The following MPP4 variants were observed in gnomAD, a reference collection of about 807,000 sequenced individuals.
MPP4 encodes MAGUK p55 subfamily member 4.
In MPP4, 91 loss-of-function variants were observed where a neutral mutation model predicts 98.3. That is an observed-to-expected ratio of 0.93 (90% CI 0.78 to 1.10). MPP4 has a LOEUF of 1.10. MPP4 is among the 50% of genes least tolerant of loss of function. The pLI is 0.00. For synonymous variants in MPP4, 261 were observed against 271.8 expected (o/e 0.96, Z 0.39); for missense variants, 744 against 792.9 (o/e 0.94, Z 0.74).
At chr2:201,689,416 C>T (rs1444369060) in intron 4 of MPP4, among the ~76,000 whole-genome samples, 1 of 152,112 alleles carries the variant, frequency 6.6e-6, no homozygotes, top group Non-Finnish European at 1.5e-5. Flanking sequence ...GAGGAAGTGA[C>T]ATGATTTGAC....
In MPP4 at chr2:201,691,451, A is replaced by G. The variant is rs150740425; in HGVS notation, c.202-1172T>C. The stretch of plus-strand genomic sequence containing the variant: ...AGTAGATGCTATTTTTCTACTATCT[A>G]TTAGACGCTATTGTATAGTGCATGG... On this transcript the variant is annotated intron_variant, in intron 3 of 21. Coordinates refer to ENST00000409474, the MANE Select transcript of MPP4 (RefSeq NM_033066.3). Among the ~76,000 whole-genome samples, 6 of 152,268 alleles carry G rather than the reference A, an allele frequency of 3.9e-5. No individual in the cohort carries two copies. The East Asian group carries it at 9.6e-4, about 24-fold the overall frequency.
intron 12 of MPP4, among the ~76,000 whole-genome samples, chr2:201,667,585 T>C (rs1688217421): frequency 6.6e-6 from 1 of 152,244 alleles, no homozygotes; most frequent in African/African-American, 2.4e-5. Flanking sequence ...AATTGTTGAT[T>C]TGAATAAAGG....
Position 201,645,361 on chromosome 2 carries a change from T to A in MPP4, c.1763A>T (p.Glu588Val), listed in dbSNP as rs1286510597. The A allele has an allele frequency of 6.2e-7, 1 of 1,614,012 alleles. No homozygotes were observed. Among genetic ancestry groups the A allele is most frequent in the South Asian group, 1.1e-5 (1 of 91,088 alleles). Residue 588 changes from glutamate to valine, a missense_variant, in exon 22 of 22, where the codon GAA becomes GTA. Coordinates refer to ENST00000409474, the MANE Select transcript of MPP4 (RefSeq NM_033066.3). ...QEMENLAQRMETQFGQFFDHV... is the reference protein window; with the variant it reads ...QEMENLAQRMVTQFGQFFDHV... The stretch of plus-strand genomic sequence containing the variant: ...ATCAAAAAATTGGCCAAACTGAGTT[T>A]CCATTCTTTGGGCTAAATTTTCCAT...
At chr2:201,653,172 G>A (rs974794943) in intron 18 of MPP4, among the ~76,000 whole-genome samples, 1 of 152,184 alleles carries the variant, frequency 6.6e-6, no homozygotes, top group Non-Finnish European at 1.5e-5. Flanking sequence ...AACATCACAA[G>A]TCTAGCTGTG....
At chr2:201,660,178 C>T (rs1159909242) in intron 15 of MPP4, among the ~76,000 whole-genome samples, 154 bp downstream of exon 15, 4 of 152,148 alleles carry the variant, frequency 2.6e-5, no homozygotes, top group East Asian at 3.9e-4. Flanking sequence ...TGTGTTTCCT[C>T]GGGAAAAAAT....
chr2:201,657,960 T>TTTTTTG (rs1687906063), intron 16 of MPP4, among the ~76,000 whole-genome samples: 2 of 150,936 alleles, frequency 1.3e-5, no homozygotes, highest in African/African-American at 4.9e-5. Context: ...CCTTGTTTTT[T>TTTTTTG]TTTTTTTTGT....
intron 18 of MPP4, 85 bp from the exon 19 acceptor site, chr2:201,650,250 A>T: frequency 2.7e-6 from 4 of 1,478,056 alleles, no homozygotes; most frequent in Non-Finnish European, 3.6e-6. Context: ...TATCTAATCA[A>T]AATAAATAAA....
In MPP4 at chr2:201,675,187, C is replaced by T. The variant is rs1339744275; in HGVS notation, c.994+20G>A. 19 of 1,596,848 alleles carry T rather than the reference C, an allele frequency of 1.2e-5. 1 individual carries two copies. In the East Asian group the frequency reaches 3.2e-4, roughly 27 times the overall value. The stretch of plus-strand genomic sequence containing the variant: ...TTTATTGCAAACAGGAAGAACCTGT[C>T]GGGCAGTTGCAATACTCACATAGGG... On this transcript the variant is annotated intron_variant, in intron 11 of 21. Coordinates refer to ENST00000409474, the MANE Select transcript of MPP4 (RefSeq NM_033066.3).
At chr2:201,674,106 TTTATTCACCAAA>T (rs760504343) in intron 11 of MPP4, among the ~76,000 whole-genome samples, 1 of 152,240 alleles carries the variant, frequency 6.6e-6, no homozygotes, top group Non-Finnish European at 1.5e-5. Context: ...CCATCCCATA[TTTATTCACCAAA>T]GGCATACACA....
intron 1 of MPP4, among the ~76,000 whole-genome samples, chr2:201,694,744 TTGAG>T (rs1219009613): frequency 1.3e-5 from 2 of 149,868 alleles, no homozygotes; most frequent in African/African-American, 2.4e-5. Context: ...CCTCAGCCTC[TTGAG>T]TATCTGGGAC....
intron 10 of MPP4, among the ~76,000 whole-genome samples, chr2:201,677,667 G>A (rs1688543112): frequency 6.6e-6 from 1 of 152,128 alleles, no homozygotes; most frequent in Non-Finnish European, 1.5e-5. Flanking sequence ...AGCACCTGAG[G>A]CGCTTGGTGA....
chr2:201,664,401 G>T, intron 13 of MPP4: 6 of 1,055,446 alleles, frequency 5.7e-6, no homozygotes, highest in Middle Eastern at 2.4e-4. Flanking sequence ...CAGAGGGAAG[G>T]GGAAAGTGGA....
intron 7 of MPP4, 113 bp downstream of exon 7, chr2:201,684,951 A>C: frequency 1.2e-6 from 1 of 836,428 alleles, no homozygotes; most frequent in Non-Finnish European, 1.7e-6. Flanking sequence ...CCATCTCAAA[A>C]AAAAAAAAAG....
chr2:201,689,808 G>A lies in MPP4; in HGVS notation c.279+394C>T, dbSNP rs115371577. ...TCAGTTTGGAACATGTGAACTTGGAGGAGTCCGTTAGACATCCAAGTGAGA... is the reference window on the plus strand; with the variant it reads ...TCAGTTTGGAACATGTGAACTTGGAAGAGTCCGTTAGACATCCAAGTGAGA... On this transcript the variant is annotated intron_variant, in intron 4 of 21. Transcript: ENST00000409474. 6.7e-3 allele frequency among the ~76,000 whole-genome samples: 1,027 copies of A among 152,220 alleles called. 11 individuals carry two copies. Among genetic ancestry groups the A allele is most frequent in the African/African-American group, 0.024 (991 of 41,520 alleles).
intron 15 of MPP4, among the ~76,000 whole-genome samples, chr2:201,659,858 T>C (rs1294309190): frequency 6.6e-6 from 1 of 152,106 alleles, no homozygotes; most frequent in Non-Finnish European, 1.5e-5. Flanking sequence ...ATATAAAATA[T>C]AAAGAGCATT....
intron 13 of MPP4, chr2:201,664,407 G>C: frequency 3.3e-4 from 297 of 912,554 alleles, no homozygotes; most frequent in Non-Finnish European, 4.4e-4. Flanking sequence ...GAAGGGGAAA[G>C]TGGAATGTCA....
intron 1 of MPP4, among the ~76,000 whole-genome samples, chr2:201,697,770 T>TA (rs1007880929): frequency 1.3e-5 from 2 of 152,210 alleles, no homozygotes; most frequent in Non-Finnish European, 2.9e-5. Context: ...AAGCGGATCT[T>TA]AGAGATAATC....
chr2:201,675,208 T>A lies in MPP4; in HGVS notation c.993A>T (p.Leu331=). The part of the protein sequence containing the change: ...YQPHTCLKST[L]SISMEEEDDM... Reference sequence around the variant, plus strand: ...CTGTCGGGCAGTTGCAATACTCACATAGGGTTGACTTGAGGCAGGTGTGAG... The same window carrying A: ...CTGTCGGGCAGTTGCAATACTCACAAAGGGTTGACTTGAGGCAGGTGTGAG... Residue 331 remains leucine, a splice_region_variant and synonymous_variant, in exon 11 of 22, where the codon CTA becomes CTT. Coordinates refer to ENST00000409474, the MANE Select transcript of MPP4 (RefSeq NM_033066.3). The A allele has an allele frequency of 6.2e-7, 1 of 1,607,082 alleles. No individual in the cohort carries two copies. Among genetic ancestry groups the A allele is most frequent in the Non-Finnish European group, 8.5e-7 (1 of 1,176,920 alleles).
chr2:201,657,609 G>GTT (rs745412884), intron 16 of MPP4, among the ~76,000 whole-genome samples: 3 of 111,688 alleles, frequency 2.7e-5, no homozygotes, highest in Non-Finnish European at 3.7e-5. Context: ...TTGTTTTTTT[G>GTT]TTTTTTTTTG....
Sources: allele counts gnomAD v4.1 joint callset (sites outside exome capture counted in the v4.1 genomes callset), GRCh38; gene constraint gnomAD v4.1.1; transcripts MANE v1.5; gene names NCBI Gene and HGNC (gene_info 2026-07-23, HGNC 2026-07-21).